The following FAM3C variants were observed in gnomAD, a reference collection of about 807,000 sequenced individuals.
The protein encoded by FAM3C is protein FAM3C.
FAM3C carries 15 observed loss-of-function variants against 32.5 expected under a neutral mutation model. The ratio of observed to expected loss-of-function variants is 0.46; its 90% CI spans 0.31 to 0.71. FAM3C has a LOEUF of 0.71. FAM3C is among the 30% of genes least tolerant of loss of function. The pLI is 0.05. For synonymous variants in FAM3C, 75 were observed against 86.1 expected, an observed-to-expected ratio of 0.87 and a Z score of 0.72; for missense variants, 175 against 274.4, an observed-to-expected ratio of 0.64 and a Z score of 2.56.
Position 121,390,852 on chromosome 7 carries a change from G to GT in FAM3C, c.-42+5309_-42+5310insA, listed in dbSNP as rs1491124551. Among the ~76,000 whole-genome samples, 21 of 30,098 alleles carry GT rather than the reference G, an allele frequency of 7.0e-4. 1 individual carries two copies. The highest frequency in any genetic ancestry group is 2.6e-3 in the South Asian group (1 of 392). The allele number at this position is 30,098 out of a possible 152,430, so 19.7% of individuals were successfully genotyped here. A position where few individuals can be genotyped will look rare whatever the true frequency, so the allele number is the denominator to read the frequency against. ...ACACACACAGGAAAGGCTGTGTGGG[G>GT]CGGGGGGGGGGGGGGGGGGGAAGGT... On this transcript the variant is annotated intron_variant, in intron 1 of 9. Transcript: ENST00000359943.
chr7:121,371,446 T>A, intron 4 of FAM3C, 23 bp from the exon 5 acceptor site: 1 of 1,610,880 alleles, frequency 6.2e-7, no homozygotes, highest in Non-Finnish European at 8.5e-7. Context: ...AAACATGATG[T>A]CTTTTTTTAG....
At chr7:121,362,086 T>A (rs933835797) in intron 7 of FAM3C, among the ~76,000 whole-genome samples, 2 of 152,156 alleles carry the variant, frequency 1.3e-5, no homozygotes, top group Admixed American at 1.3e-4. Flanking sequence ...AGGGAATATA[T>A]AAATGGAATG....
chr7:121,368,785 C>G (rs947256855), intron 5 of FAM3C, among the ~76,000 whole-genome samples: 3 of 151,842 alleles, frequency 2.0e-5, no homozygotes, highest in Non-Finnish European at 4.4e-5. Flanking sequence ...GCTCGAAGAC[C>G]AAGGATGGTC....
intron 6 of FAM3C, among the ~76,000 whole-genome samples, chr7:121,363,885 A>T (rs2116896132): frequency 6.6e-6 from 1 of 152,264 alleles, no homozygotes; most frequent in Middle Eastern, 3.4e-3. Context: ...GTGATGTTAG[A>T]CTGCTTGGTT....
chr7:121,373,023 G>A (rs999606455), intron 3 of FAM3C, among the ~76,000 whole-genome samples: 4 of 152,106 alleles, frequency 2.6e-5, no homozygotes, highest in Admixed American at 2.0e-4. Context: ...AGAACACTCA[G>A]TAGAATATTA....
At chr7:121,362,726 A>G in intron 7 of FAM3C, 171 bp downstream of exon 7, 1 of 577,826 alleles carries the variant, frequency 1.7e-6, no homozygotes, top group Non-Finnish European at 3.1e-6. Flanking sequence ...GAAAGTATAT[A>G]AAACATGAAT....
intron 4 of FAM3C, 89 bp from the exon 5 acceptor site, chr7:121,371,512 C>T: frequency 1.5e-6 from 2 of 1,361,458 alleles, no homozygotes; most frequent in Non-Finnish European, 2.0e-6. Context: ...CCACAAAGAG[C>T]ATTAAGAAAA....
intron 5 of FAM3C, 158 bp from the exon 6 acceptor site, chr7:121,364,346 G>T: frequency 1.7e-6 from 1 of 592,864 alleles, no homozygotes; most frequent in Non-Finnish European, 3.0e-6. Context: ...AGTCAGAGAA[G>T]ACAGTCTAAT....
At chr7:121,370,941 C>T (rs550368740) in intron 5 of FAM3C, among the ~76,000 whole-genome samples, 2 of 152,266 alleles carry the variant, frequency 1.3e-5, no homozygotes, top group African/African-American at 2.4e-5. Context: ...AGGAACTGAA[C>T]TTTTTAGTTA....
chr7:121,356,543 G>A (rs1318078402), intron 8 of FAM3C, among the ~76,000 whole-genome samples: 1 of 152,170 alleles, frequency 6.6e-6, no homozygotes, highest in African/African-American at 2.4e-5. Context: ...ACACTGTACT[G>A]TGAATATTTT....
chr7:121,357,457 T>C (rs1793836671), intron 8 of FAM3C, among the ~76,000 whole-genome samples: 1 of 152,116 alleles, frequency 6.6e-6, no homozygotes, highest in African/African-American at 2.4e-5. Flanking sequence ...ACACAACTGG[T>C]AAATCACTGC....
intron 8 of FAM3C, among the ~76,000 whole-genome samples, chr7:121,356,041 A>G (rs1480543934): frequency 1.2e-5 from 1 of 84,840 alleles, no homozygotes; most frequent in Admixed American, 9.8e-5. Context: ...GTGGTTTAGA[A>G]AAAAAAAAAA....
chr7:121,374,678 A>G (rs763195777), intron 3 of FAM3C, among the ~76,000 whole-genome samples: 5 of 152,232 alleles, frequency 3.3e-5, no homozygotes, highest in Non-Finnish European at 2.9e-5. Context: ...ATTTTGGCCA[A>G]TTCAACAGAT....
chr7:121,386,755 C>T (rs569175169), intron 1 of FAM3C, among the ~76,000 whole-genome samples: 8 of 151,200 alleles, frequency 5.3e-5, no homozygotes, highest in Non-Finnish European at 7.4e-5. Flanking sequence ...CTAATACAGA[C>T]CCCCTCAAGA....
chr7:121,366,696 G>A (rs182175546), intron 5 of FAM3C, among the ~76,000 whole-genome samples: 5 of 152,196 alleles, frequency 3.3e-5, no homozygotes, highest in East Asian at 1.9e-4. Flanking sequence ...CAAAATGGAC[G>A]GCATGTGAAT....
chr7:121,357,200 G>T (rs1336374842), intron 8 of FAM3C, among the ~76,000 whole-genome samples: 1 of 152,142 alleles, frequency 6.6e-6, no homozygotes, highest in Non-Finnish European at 1.5e-5. Context: ...ATGATTAAGA[G>T]AAACTAGGAT....
chr7:121,359,254 A>G (rs1017713140), intron 8 of FAM3C, among the ~76,000 whole-genome samples: 7 of 152,168 alleles, frequency 4.6e-5, no homozygotes, highest in Non-Finnish European at 7.4e-5. Context: ...AAGATAGTCT[A>G]TTGTGCTAAG....
chr7:121,354,772 T>C (rs2536179), intron 8 of FAM3C, among the ~76,000 whole-genome samples: 38,565 of 151,894 alleles, frequency 0.25, 5,803 homozygotes, highest in African/African-American at 0.43. Flanking sequence ...GAACATATTA[T>C]ACAAAGTTCG....
chr7:121,350,868 C>A (rs1793689479), intron 9 of FAM3C, among the ~76,000 whole-genome samples: 1 of 152,104 alleles, frequency 6.6e-6, no homozygotes, highest in African/African-American at 2.4e-5. Flanking sequence ...AATTAAAATC[C>A]TTAATAACTA....
Sources: allele counts gnomAD v4.1 joint callset (sites outside exome capture counted in the v4.1 genomes callset), GRCh38; gene constraint gnomAD v4.1.1; transcripts MANE v1.5; gene names NCBI Gene and HGNC (gene_info 2026-07-23, HGNC 2026-07-21).